RAB38: variants seen among roughly 807,000 people sequenced by gnomAD.
RAB38 encodes RAB38, member RAS oncogene family.
Under a neutral mutation model 18.4 loss-of-function variants are expected in RAB38, and 15 were observed. The observed-to-expected ratio is 0.82, with a 90% confidence interval of 0.55 to 1.26. RAB38 has a LOEUF of 1.26. Among genes scored for constraint, RAB38 ranks in the 50% most tolerant of loss-of-function variants. The probability of loss-of-function intolerance (pLI) is 0.00; values close to 1 mark genes in which losing one functional copy is unlikely to be tolerated. For missense variants in RAB38, 294 were observed against 267.4 expected (o/e 1.10, Z -0.69); for synonymous variants, 101 against 104.4 (o/e 0.97, Z 0.20).
the RAB38 span, among the ~76,000 whole-genome samples, chr11:87,937,891 T>A: frequency 3.9e-4 from 51 of 131,496 alleles, no homozygotes; most frequent in African/African-American, 1.5e-3. Flanking sequence ...TTTTTTTTTT[T>A]ATCATGTATG....
chr11:87,907,561 C>T, the RAB38 span, among the ~76,000 whole-genome samples: 1 of 151,430 alleles, frequency 6.6e-6, no homozygotes, highest in Non-Finnish European at 1.5e-5. Flanking sequence ...TTATTTCCAT[C>T]ATAGTTTTTA....
the RAB38 span, among the ~76,000 whole-genome samples, chr11:88,013,309 A>T: frequency 2.0e-5 from 3 of 152,134 alleles, no homozygotes; most frequent in Middle Eastern, 3.2e-3. Context: ...GCTGAGGAAC[A>T]TATTTTGTTT....
At chr11:88,073,074 C>A in the RAB38 span, among the ~76,000 whole-genome samples, 1 of 152,176 alleles carries the variant, frequency 6.6e-6, no homozygotes, top group Admixed American at 6.5e-5. Flanking sequence ...CTGGTTTATA[C>A]ACTACAAAAA....
the RAB38 span, among the ~76,000 whole-genome samples, chr11:88,073,749 TA>T: frequency 6.4e-4 from 90 of 141,170 alleles, no homozygotes; most frequent in East Asian, 2.0e-3. Context: ...AAATAGTAGT[TA>T]AAAAAAAAAA....
chr11:88,151,903 C>T (rs1943066382), intron 1 of RAB38, among the ~76,000 whole-genome samples: 1 of 152,122 alleles, frequency 6.6e-6, no homozygotes, highest in South Asian at 2.1e-4. Flanking sequence ...TTGTCACAGC[C>T]AGCACATGAC....
At chr11:87,860,487 T>G in the RAB38 span, among the ~76,000 whole-genome samples, 4 of 151,968 alleles carry the variant, frequency 2.6e-5, no homozygotes, top group Non-Finnish European at 4.4e-5. Context: ...GAGTGGACAA[T>G]TGAAAGGATA....
At chr11:87,851,755 TC>T in the RAB38 span, among the ~76,000 whole-genome samples, 2 of 152,130 alleles carry the variant, frequency 1.3e-5, no homozygotes, top group African/African-American at 4.8e-5. Flanking sequence ...AGAGCCTGGG[TC>T]TTTCTGGGAA....
the RAB38 span, among the ~76,000 whole-genome samples, chr11:87,822,464 C>T: frequency 6.6e-6 from 1 of 152,160 alleles, no homozygotes. Context: ...CACAAGACTT[C>T]AAACCATGTG....
chr11:87,956,942 G>T, the RAB38 span, among the ~76,000 whole-genome samples: 1 of 150,522 alleles, frequency 6.6e-6, no homozygotes, highest in Admixed American at 6.7e-5. Context: ...CTACAGGACT[G>T]TCCATTCCTC....
the RAB38 span, among the ~76,000 whole-genome samples, chr11:87,974,061 TCAA>T: frequency 3.9e-5 from 6 of 151,954 alleles, no homozygotes; most frequent in African/African-American, 1.4e-4. Flanking sequence ...CCATGTATCA[TCAA>T]CAATTGTCCA....
chr11:88,056,133 T>C, the RAB38 span, among the ~76,000 whole-genome samples: 1 of 152,172 alleles, frequency 6.6e-6, no homozygotes, highest in East Asian at 1.9e-4. Context: ...CATCATCTGA[T>C]TAGTATGGTA....
At chr11:87,976,769 T>C in the RAB38 span, among the ~76,000 whole-genome samples, 1 of 103,536 alleles carries the variant, frequency 9.7e-6, no homozygotes, top group Non-Finnish European at 1.8e-5. Flanking sequence ...TTTCACATAA[T>C]ATATATTTAT....
the RAB38 span, among the ~76,000 whole-genome samples, chr11:87,917,723 C>A: frequency 6.6e-6 from 1 of 152,048 alleles, no homozygotes; most frequent in South Asian, 2.1e-4. Context: ...ATGCACTCTT[C>A]TTCCTCATTG....
chr11:87,906,604 T>G, the RAB38 span, among the ~76,000 whole-genome samples: 1 of 151,948 alleles, frequency 6.6e-6, no homozygotes, highest in African/African-American at 2.4e-5. Context: ...AAACAGGGTA[T>G]AAATGTAATT....
At chr11:88,061,765 C>G in the RAB38 span, 3 of 152,254 alleles carry the variant, frequency 2.0e-5, no homozygotes, top group East Asian at 5.8e-4. Flanking sequence ...GCTGGCAAGA[C>G]CTGCCAATCC....
the RAB38 span, among the ~76,000 whole-genome samples, chr11:87,918,882 C>A: frequency 6.6e-6 from 1 of 151,250 alleles, no homozygotes; most frequent in Non-Finnish European, 1.5e-5. Flanking sequence ...TGGTGTGATC[C>A]CATTTGTCTG....
At chr11:87,875,427 C>T in the RAB38 span, among the ~76,000 whole-genome samples, 2 of 151,458 alleles carry the variant, frequency 1.3e-5, no homozygotes, top group Admixed American at 1.3e-4. Flanking sequence ...ACTTTAATGT[C>T]ATAAATAAAG....
chr11:88,053,071 T>C, the RAB38 span, among the ~76,000 whole-genome samples: 1 of 132,282 alleles, frequency 7.6e-6, no homozygotes, highest in South Asian at 2.2e-4. Context: ...ATTATATATA[T>C]ACACATATAT....
the RAB38 span, among the ~76,000 whole-genome samples, chr11:87,955,220 C>A: frequency 6.6e-6 from 1 of 152,178 alleles, no homozygotes; most frequent in Non-Finnish European, 1.5e-5. Flanking sequence ...TTTTCCTCTT[C>A]TTGCTCTTCT....
Sources: gnomAD v4.1 joint callset for allele counts (sites outside exome capture counted in the v4.1 genomes callset) on GRCh38, gnomAD v4.1.1 for gene constraint, MANE v1.5 for transcripts, NCBI Gene and HGNC (gene_info 2026-07-23, HGNC 2026-07-21) for gene names.